Variants in TJP1 observed in about 807,000 individuals in gnomAD.
The protein encoded by TJP1 is tight junction protein ZO-1.
Under a neutral mutation model 194.2 loss-of-function variants are expected in TJP1, and 43 were observed. That is an observed-to-expected ratio of 0.22 (90% CI 0.17 to 0.29). The LOEUF is 0.29. Ranked by LOEUF, TJP1 falls within the 10% of genes least tolerant of loss-of-function variation. The pLI is 1.00. For missense variants in TJP1, 1,971 were observed against 2,185.7 expected (o/e 0.90, Z 1.96); for synonymous variants, 801 against 779.0 (o/e 1.03, Z -0.47).
At chr15:29,918,409 A>T (rs985352884) in intron 2 of TJP1, among the ~76,000 whole-genome samples, 1 of 152,196 alleles carries the variant, frequency 6.6e-6, no homozygotes, top group Non-Finnish European at 1.5e-5. Flanking sequence ...GACAGAAACC[A>T]AAATAAATAA....
chr15:29,825,491 A>G (rs1278125811), upstream of TJP1, among the ~76,000 whole-genome samples: 2 of 152,228 alleles, frequency 1.3e-5, no homozygotes. Flanking sequence ...CTCAGAATGA[A>G]AAAAGCATTA....
At chr15:29,815,478 G>A (rs1008225364) in intron 1 of TJP1, among the ~76,000 whole-genome samples, 7 of 152,148 alleles carry the variant, frequency 4.6e-5, no homozygotes, top group Middle Eastern at 3.2e-3. Flanking sequence ...TCAAAACTTT[G>A]CTAATTAGAA....
chr15:29,954,439 A>AT (rs1033295811), intron 2 of TJP1, among the ~76,000 whole-genome samples: 1 of 152,254 alleles, frequency 6.6e-6, no homozygotes, highest in African/African-American at 2.4e-5. Context: ...AAAAAAGCTG[A>AT]TAAAATTTAA....
Position 29,720,629 on chromosome 15 carries a change from G to A in TJP1, c.2492C>T (p.Ser831Leu). The A allele has an allele frequency of 6.2e-7, 1 of 1,614,122 alleles. No individual in the cohort carries two copies. The highest frequency in any genetic ancestry group is 2.2e-5 in the East Asian group (1 of 44,874). ...SYLSAPGSEY[S>L]MYSTDSRHTS... ...GTGTCTACTGTCCGTGCTATACATTGAGTATTCACTACCTGGAGCTGACAG... is the reference window on the plus strand; with the variant it reads ...GTGTCTACTGTCCGTGCTATACATTAAGTATTCACTACCTGGAGCTGACAG... Residue 831 changes from serine (S) to leucine (L), a missense_variant, in exon 19 of 28, where the codon TCA becomes TTA. Transcript: ENST00000614355.
intron 23 of TJP1, among the ~76,000 whole-genome samples, chr15:29,714,023 A>T (rs2042398096): frequency 6.6e-6 from 1 of 152,200 alleles, no homozygotes; most frequent in African/African-American, 2.4e-5. Context: ...AATGAAAAGA[A>T]GGGTGGTGGA....
chr15:29,741,006 AT>A (rs980154124), intron 10 of TJP1: 7,957 of 172,814 alleles, frequency 0.046, 1 homozygote, highest in South Asian at 0.092. Flanking sequence ...AGAAACACTG[AT>A]TTTTTTTTTT....
chr15:29,850,249 C>A (rs1027760895), intron 2 of TJP1, among the ~76,000 whole-genome samples: 1 of 152,150 alleles, frequency 6.6e-6, no homozygotes, highest in Non-Finnish European at 1.5e-5. Flanking sequence ...GAACCAGAAC[C>A]CCCTCAACTA....
At chr15:29,964,048 T>G (rs2056251777) in intron 1 of TJP1, among the ~76,000 whole-genome samples, 1 of 152,004 alleles carries the variant, frequency 6.6e-6, no homozygotes, top group East Asian at 1.9e-4. Flanking sequence ...TAAAAAGGAG[T>G]AACTATTATT....
chr15:29,761,472 T>C (rs937718761), intron 7 of TJP1, 129 bp downstream of exon 7: 27 of 1,330,218 alleles, frequency 2.0e-5, no homozygotes, highest in South Asian at 3.1e-5. Context: ...AAAATGTATA[T>C]AAAACTTATA....
At chr15:29,812,375 G>T (rs1205835645) in intron 1 of TJP1, among the ~76,000 whole-genome samples, 2 of 152,192 alleles carry the variant, frequency 1.3e-5, no homozygotes, top group African/African-American at 2.4e-5. Flanking sequence ...CAACTAGCAA[G>T]ACTTAAGTCA....
intron 2 of TJP1, among the ~76,000 whole-genome samples, chr15:29,931,572 G>A (rs2054715202): frequency 6.6e-6 from 1 of 152,096 alleles, no homozygotes; most frequent in South Asian, 2.1e-4. Context: ...TTTCTGTGTG[G>A]AATCTGACAG....
At chr15:29,968,801 C>A in exon 1 of TJP1, 1 of 1,171,424 alleles carries the variant, frequency 8.5e-7, no homozygotes, top group Non-Finnish European at 1.1e-6. Flanking sequence ...CCCGCCGCCT[C>A]CGCCGCCGCC....
rs563006679 is a variant in TJP1, at chr15:29,718,124, T to TA, written c.3877-7dup. On this transcript the variant is annotated splice_polypyrimidine_tract_variant and splice_region_variant and intron_variant, in intron 21 of 27. Transcript: ENST00000614355. ...TTAGATGCTACTTCTGGAGGCTGTT[T>TA]AAAAAAAAAAAAAAAAAAAAGACAA... 0.058 allele frequency: 81,056 copies of TA among 1,409,008 alleles called. 17 individuals carry two copies. The highest frequency in any genetic ancestry group is 0.071 in the Middle Eastern group (357 of 5,002). 87.3% of individuals were successfully genotyped at this position (1,409,008 alleles called of 1,614,324 possible). A position where few individuals can be genotyped will look rare whatever the true frequency, so the allele number is the denominator to read the frequency against.
chr15:29,941,719 C>A (rs1369698464), intron 2 of TJP1, among the ~76,000 whole-genome samples: 1 of 152,118 alleles, frequency 6.6e-6, no homozygotes, highest in Non-Finnish European at 1.5e-5. Flanking sequence ...CACTCTGCAC[C>A]GCCTCCACCA....
At chr15:29,836,662 CA>C (rs2051043030) in intron 2 of TJP1, among the ~76,000 whole-genome samples, 1 of 152,152 alleles carries the variant, frequency 6.6e-6, no homozygotes, top group Non-Finnish European at 1.5e-5. Flanking sequence ...AATATCCCCC[CA>C]AATTCATGAG....
At chr15:29,837,647 G>A (rs955435584) in intron 2 of TJP1, among the ~76,000 whole-genome samples, 6 of 152,126 alleles carry the variant, frequency 3.9e-5, no homozygotes, top group African/African-American at 1.4e-4. Context: ...ATAAATGTAC[G>A]ACTTTTACAA....
chr15:29,963,200 A>G (rs921847517), intron 1 of TJP1, among the ~76,000 whole-genome samples: 13 of 152,190 alleles, frequency 8.5e-5, no homozygotes, highest in African/African-American at 2.9e-4. Context: ...TCCCAACAGG[A>G]GGACCTCAGT....
rs397975539 is a variant in TJP1, at chr15:29,864,237, CAAAAAAAAAAAA to C, written c.307-63547_307-63536del. 4.0e-3 allele frequency among the ~76,000 whole-genome samples: 76 copies of C among 18,944 alleles called. 1 individual carries two copies. The highest frequency in any genetic ancestry group is 9.9e-3 in the African/African-American group (66 of 6,664). 12.4% of individuals were successfully genotyped at this position (18,944 alleles called of 152,430 possible). On this transcript the variant is annotated intron_variant, in intron 2 of 28. Transcript: ENST00000356107. ...TGAAACCCCGTCTCTACTAAAAATA[CAAAAAAAAAAAA>C]AAAAAAAAAAAAAAAGCTGGGTGTG...
intron 11 of TJP1, among the ~76,000 whole-genome samples, chr15:29,736,306 C>A (rs2044030749): frequency 6.6e-6 from 1 of 151,972 alleles, no homozygotes; most frequent in South Asian, 2.1e-4. Context: ...CAAAAAAGGA[C>A]AAATAAGACA....
Sources: allele counts gnomAD v4.1 joint callset (sites outside exome capture counted in the v4.1 genomes callset), GRCh38; gene constraint gnomAD v4.1.1; transcripts MANE v1.5; gene names NCBI Gene and HGNC (gene_info 2026-07-23, HGNC 2026-07-21).